Variants in ATP13A4 observed in about 807,000 individuals in gnomAD.
The protein encoded by ATP13A4 is probable cation-transporting ATPase 13A4.
Under a neutral mutation model 142.5 loss-of-function variants are expected in ATP13A4, and 114 were observed. The ratio of observed to expected loss-of-function variants is 0.80; its 90% CI spans 0.69 to 0.93. The LOEUF (loss-of-function observed/expected upper bound fraction) is 0.93. Ranked by LOEUF, ATP13A4 falls within the 40% of genes least tolerant of loss-of-function variation. The pLI is 0.00. For missense variants in ATP13A4, 1,392 were observed against 1,454.0 expected, an observed-to-expected ratio of 0.96 and a Z score of 0.69; for synonymous variants, 488 against 514.8, an observed-to-expected ratio of 0.95 and a Z score of 0.70.
At chr3:193,409,467 T>C (rs1395061939) in intron 28 of ATP13A4, among the ~76,000 whole-genome samples, 1 of 152,206 alleles carries the variant, frequency 6.6e-6, no homozygotes, top group Admixed American at 6.5e-5. Context: ...ATGTTCCCTA[T>C]TTTGTTATAC....
At chr3:193,571,209 T>C (rs924163145) in intron 2 of ATP13A4, among the ~76,000 whole-genome samples, 2 of 140,928 alleles carry the variant, frequency 1.4e-5, no homozygotes, top group African/African-American at 2.8e-5. Context: ...ACCTGGGAGG[T>C]GGAGGTTGCC....
In ATP13A4 at chr3:193,457,034, TG is replaced by T; in HGVS notation, c.1880del (p.Pro627GlnfsTer32). 5.0e-6 allele frequency: 8 copies of T among 1,614,168 alleles called. No homozygotes were observed. The highest frequency in any genetic ancestry group is 1.3e-5 in the African/African-American group (1 of 75,070). Reference protein sequence around the residue: ...GDRLAFMKGAPERVASFCQPE... With the variant: ...GDRLAFMKGAXERVASFCQPE... ...GTTGGCAAAAGCTGGCCACCCTCTC[TG>T]GTGCACCTTTCATGAATGCCAGTCG... On this transcript the variant is annotated frameshift_variant, in exon 16 of 30. Transcript: ENST00000342695. LOFTEE classifies it high-confidence loss of function.
In ATP13A4 at chr3:193,417,991, G is replaced by A. The variant is rs372727680; in HGVS notation, c.2843-3241C>T. On this transcript the variant is annotated intron_variant, in intron 25 of 29. Transcript: ENST00000342695. ...CAAAAAATTAGCCGGGCGTAGTGGC[G>A]GGCGCCTGTAGTCCCAGCTACTTGG... Among the ~76,000 whole-genome samples, 127 of 143,580 alleles carry A rather than the reference G, an allele frequency of 8.8e-4. 7 individuals are homozygous for A. The East Asian group carries it at 9.1e-3, about 10-fold the overall frequency. 94.2% of individuals were successfully genotyped at this position (143,580 alleles called of 152,430 possible). A position where few individuals can be genotyped will look rare whatever the true frequency, so the allele number is the denominator to read the frequency against.
At chr3:193,585,676 C>A (rs963548389) in intron 1 of ATP13A4, among the ~76,000 whole-genome samples, 1 of 152,086 alleles carries the variant, frequency 6.6e-6, no homozygotes, top group Admixed American at 6.6e-5. Context: ...CATGTATCCG[C>A]AGGTCATTCT....
chr3:193,591,673 T>C (rs1173780848), intron 1 of ATP13A4, among the ~76,000 whole-genome samples: 2 of 152,208 alleles, frequency 1.3e-5, no homozygotes, highest in Admixed American at 6.5e-5. Context: ...ACAGGATAAA[T>C]GCCTAGAAGT....
chr3:193,424,467 T>C (rs1264883748), intron 25 of ATP13A4, among the ~76,000 whole-genome samples: 3 of 149,708 alleles, frequency 2.0e-5, no homozygotes, highest in Non-Finnish European at 3.0e-5. Context: ...CAGCTTGGTA[T>C]TGGTATAAAA....
At chr3:193,519,322 A>G (rs538133697) in intron 1 of ATP13A4, among the ~76,000 whole-genome samples, 1 of 152,340 alleles carries the variant, frequency 6.6e-6, no homozygotes, top group Admixed American at 6.5e-5. Context: ...AAACTGAGGT[A>G]CTAAGACAGA....
chr3:193,407,545 T>G (rs1337214241), intron 28 of ATP13A4, 152 bp from the exon 29 acceptor site: 1 of 533,078 alleles, frequency 1.9e-6, no homozygotes, highest in East Asian at 3.8e-5. Context: ...TATAAAAAAT[T>G]TCTATGCTTG....
At position 193,435,610 on chromosome 3, in the gene ATP13A4, A is replaced by T. The variant is rs534577993; in HGVS notation, c.2769+38T>A. The stretch of plus-strand genomic sequence containing the variant: ...TTGAGAGTGCACCGCTACTTGTTTT[A>T]GTTCACACTAACCAAGAGGCTAAGT... On this transcript the variant is annotated intron_variant, in intron 24 of 29. Coordinates refer to ENST00000342695, the MANE Select transcript of ATP13A4 (RefSeq NM_032279.4). 2 of 1,506,952 alleles carry T rather than the reference A, an allele frequency of 1.3e-6. 1 individual carries two copies. The highest frequency in any genetic ancestry group is 4.5e-5 in the East Asian group (2 of 44,322). The allele number at this position is 1,506,952 out of a possible 1,614,324, so 93.3% of individuals were successfully genotyped here.
intron 26 of ATP13A4, among the ~76,000 whole-genome samples, chr3:193,413,108 T>C (rs1426235525): frequency 1.3e-5 from 2 of 152,210 alleles, no homozygotes; most frequent in African/African-American, 2.4e-5. Context: ...GGAACATAAA[T>C]TGTGAAGATT....
Position 193,459,238 on chromosome 3 carries a change from G to A in ATP13A4, c.1524-7C>T, listed in dbSNP as rs758959316. The A allele has an allele frequency of 2.3e-5, 37 of 1,614,092 alleles. No homozygotes were observed. Among genetic ancestry groups the A allele is most frequent in the Non-Finnish European group, 3.0e-5 (35 of 1,180,030 alleles). On this transcript the variant is annotated splice_polypyrimidine_tract_variant and splice_region_variant and intron_variant, in intron 13 of 29. Coordinates refer to ENST00000342695, the MANE Select transcript of ATP13A4 (RefSeq NM_032279.4). ...GCTGTGAACTTCCTGAAAGCTTAAGGAGAAAAGGAAATGGGTTTCCATTCC... is the reference window on the plus strand; with the variant it reads ...GCTGTGAACTTCCTGAAAGCTTAAGAAGAAAAGGAAATGGGTTTCCATTCC...
chr3:193,491,485 G>C (rs1382556263), intron 5 of ATP13A4, 87 bp from the exon 6 acceptor site: 1 of 974,016 alleles, frequency 1.0e-6, no homozygotes, highest in African/African-American at 1.6e-5. Flanking sequence ...TCTATTCCAT[G>C]TTCACTTTCT....
At chr3:193,417,637 CT>C (rs1419784882) in intron 25 of ATP13A4, among the ~76,000 whole-genome samples, 1 of 152,200 alleles carries the variant, frequency 6.6e-6, no homozygotes, top group African/African-American at 2.4e-5. Context: ...TAAAAATGCC[CT>C]TGTCAGCACT....
chr3:193,556,932 C>T (rs1056115208), upstream of ATP13A4, among the ~76,000 whole-genome samples: 2 of 152,116 alleles, frequency 1.3e-5, no homozygotes, highest in Non-Finnish European at 2.9e-5. Context: ...TAGTATGTGA[C>T]GTGGTGAAAC....
chr3:193,412,280 A>G lies in ATP13A4; in HGVS notation c.3106T>C (p.Phe1036Leu), dbSNP rs189928723. The change falls in exon 27 of 30, where the codon TTT (phenylalanine) becomes CTT (leucine). Residue 1036 changes from phenylalanine (F) to leucine (L), a missense_variant. Coordinates refer to ENST00000342695, the MANE Select transcript of ATP13A4 (RefSeq NM_032279.4). Reference protein sequence around the residue: ...KMESNSTFTSFENTTVWFLGT... With the variant: ...KMESNSTFTSLENTTVWFLGT... ...AAGAACCAGACTGTAGTGTTCTCAA[A>G]ACTTGTGAAGGTGCTATTACTTTCC... is the stretch of plus-strand genomic sequence containing the variant. 128 of 1,613,710 alleles carry G rather than the reference A, an allele frequency of 7.9e-5. No individual in the cohort carries two copies. Among genetic ancestry groups the G allele is most frequent in the Admixed American group, 1.7e-4 (10 of 60,026 alleles).
At chr3:193,503,195 CTCAG>C (rs1560238085) in intron 2 of ATP13A4, among the ~76,000 whole-genome samples, 2 of 152,128 alleles carry the variant, frequency 1.3e-5, no homozygotes, top group African/African-American at 2.4e-5. Flanking sequence ...CTGAGACCTG[CTCAG>C]TCAGAGTCTG....
At chr3:193,505,986 T>A (rs1253095633) in intron 2 of ATP13A4, among the ~76,000 whole-genome samples, 1 of 152,204 alleles carries the variant, frequency 6.6e-6, no homozygotes, top group Non-Finnish European at 1.5e-5. Context: ...GAAGTATACA[T>A]AATGTGTCTG....
chr3:193,453,422 T>C (rs1412036511), intron 17 of ATP13A4, among the ~76,000 whole-genome samples: 1 of 152,114 alleles, frequency 6.6e-6, no homozygotes, highest in Non-Finnish European at 1.5e-5. Context: ...CATTAAGTGT[T>C]AGAAATGACA....
intron 26 of ATP13A4, 137 bp from the exon 27 acceptor site, chr3:193,412,508 C>G: frequency 5.2e-5 from 1 of 19,314 alleles, no homozygotes; most frequent in Non-Finnish European, 1.0e-4. Context: ...CTTTGGAAAA[C>G]ACACACACAC....
Sources: allele counts gnomAD v4.1 joint callset (sites outside exome capture counted in the v4.1 genomes callset), GRCh38; gene constraint gnomAD v4.1.1; transcripts MANE v1.5; gene names NCBI Gene and HGNC (gene_info 2026-07-23, HGNC 2026-07-21).